The following THADA variants were observed in gnomAD, a reference collection of about 807,000 sequenced individuals.
The protein encoded by THADA is tRNA (32-2'-O)-methyltransferase regulator THADA.
A neutral mutation model predicts 219.8 loss-of-function variants in THADA; 213 were observed. That is an observed-to-expected ratio of 0.97 (90% CI 0.87 to 1.09). The LOEUF (loss-of-function observed/expected upper bound fraction) is 1.09, where lower values mean the gene tolerates loss of function less well. THADA is among the 50% of genes least tolerant of loss of function. The pLI is 0.00. For missense variants in THADA, 2,956 were observed against 2,311.3 expected, an observed-to-expected ratio of 1.28 and a Z score of -5.72; for synonymous variants, 1,018 against 828.9, an observed-to-expected ratio of 1.23 and a Z score of -3.92.
At chr2:43,281,495 G>A (rs1003813588) in intron 35 of THADA, among the ~76,000 whole-genome samples, 7 of 145,762 alleles carry the variant, frequency 4.8e-5, no homozygotes, top group African/African-American at 1.5e-4. Flanking sequence ...AGGCTGGAGT[G>A]CAATGGGGCA....
chr2:43,289,352 C>G (rs1327298518), intron 34 of THADA, among the ~76,000 whole-genome samples: 6 of 152,176 alleles, frequency 3.9e-5, no homozygotes, highest in African/African-American at 9.7e-5. Context: ...ACTAATGATT[C>G]CTTTGATCAT....
intron 29 of THADA, among the ~76,000 whole-genome samples, chr2:43,351,538 G>T (rs1181182390): frequency 6.6e-6 from 1 of 152,054 alleles, no homozygotes; most frequent in African/African-American, 2.4e-5. Flanking sequence ...TTTCTCTTCA[G>T]TGCTCCAACA....
At chr2:43,419,294 G>A (rs147859706) in intron 28 of THADA, among the ~76,000 whole-genome samples, 224 of 152,364 alleles carry the variant, frequency 1.5e-3, no homozygotes, top group African/African-American at 5.1e-3. Flanking sequence ...GGTTGGAAGG[G>A]AGGCAAGATG....
rs141250085 is a variant in THADA, at chr2:43,498,394, AT to A, written c.3744+438del. On this transcript the variant is annotated intron_variant, in intron 25 of 37. Coordinates refer to ENST00000405975, the MANE Select transcript of THADA (RefSeq NM_022065.5). ...TTAAAGTGGTAAATTGAAAAGAAAT[AT>A]AACTGGCTATTTAAAGAAAAATAAC... Among the ~76,000 whole-genome samples, 600 of 152,352 alleles carry A rather than the reference AT, an allele frequency of 3.9e-3. 14 individuals carry two copies. The highest frequency in any genetic ancestry group is 0.039 in the East Asian group (200 of 5,188).
At chr2:43,552,178 C>G in intron 18 of THADA, 26 bp downstream of exon 18, 1 of 1,594,444 alleles carries the variant, frequency 6.3e-7, no homozygotes, top group Non-Finnish European at 8.5e-7. Context: ...ATTTCTGAGA[C>G]AGGAGGCAGC....
intron 10 of THADA, 47 bp downstream of exon 10, chr2:43,576,975 T>A (rs1699920666): frequency 1.3e-6 from 2 of 1,532,492 alleles, no homozygotes; most frequent in East Asian, 4.7e-5. Flanking sequence ...ATCTTCTAAA[T>A]GTCTTACAAG....
intron 28 of THADA, among the ~76,000 whole-genome samples, chr2:43,406,152 A>T (rs1409543090): frequency 6.6e-6 from 1 of 152,208 alleles, no homozygotes; most frequent in Non-Finnish European, 1.5e-5. Flanking sequence ...CAGCAACCTG[A>T]CGTGGCAGAA....
intron 36 of THADA, among the ~76,000 whole-genome samples, chr2:43,268,279 T>G (rs1053382548): frequency 2.6e-5 from 4 of 152,194 alleles, no homozygotes; most frequent in Non-Finnish European, 5.9e-5. Flanking sequence ...CCCATTCTCC[T>G]CCTAACGCTC....
intron 26 of THADA, among the ~76,000 whole-genome samples, chr2:43,433,812 T>G (rs1313419200): frequency 6.6e-6 from 1 of 152,100 alleles, no homozygotes; most frequent in Non-Finnish European, 1.5e-5. Context: ...CTCAGCCTCC[T>G]GAGTAGCTGG....
intron 29 of THADA, among the ~76,000 whole-genome samples, chr2:43,364,552 T>C (rs1204503990): frequency 2.6e-5 from 4 of 152,180 alleles, no homozygotes; most frequent in Non-Finnish European, 5.9e-5. Context: ...TGGAGAAAAA[T>C]GGCTCACAAT....
Position 43,230,883 on chromosome 2 carries a change from G to T in THADA, c.*65C>A. ...AAATTTTTGAATTTATGTTCAACAT[G>T]TTTCCTGCAGATTTAGTGGAGGAAA... On this transcript the variant is annotated 3_prime_UTR_variant, in exon 38 of 38. Transcript: ENST00000405975. 1.3e-6 allele frequency: 2 copies of T among 1,509,692 alleles called. No individual in the cohort carries two copies. The highest frequency in any genetic ancestry group is 8.9e-7 in the Non-Finnish European group (1 of 1,126,488). 93.5% of individuals were successfully genotyped at this position (1,509,692 alleles called of 1,614,324 possible).
intron 22 of THADA, among the ~76,000 whole-genome samples, chr2:43,515,048 ATT>A (rs1412374915): frequency 3.0e-4 from 17 of 56,412 alleles, no homozygotes; most frequent in African/African-American, 4.4e-4. Context: ...AAATATATAT[ATT>A]TTATATATAA....
Position 43,549,325 on chromosome 2 carries a change from A to C in THADA, c.2991T>G (p.Pro997=), listed in dbSNP as rs1372813043. The part of the protein sequence containing the change: ...RLQMILNEIQ[P]RDTNDYFNQA... Reference sequence around the variant, plus strand: ...GGTTAAAATAATCATTAGTATCTCGAGGCTGAATCTCATTCAGAATCATCT... The same window carrying C: ...GGTTAAAATAATCATTAGTATCTCGCGGCTGAATCTCATTCAGAATCATCT... The change falls in exon 20 of 38, where the codon CCT becomes CCG. Residue 997 remains proline (P), a synonymous_variant. Coordinates refer to ENST00000405975, the MANE Select transcript of THADA (RefSeq NM_022065.5). 3.1e-6 allele frequency: 5 copies of C among 1,603,392 alleles called. No individual in the cohort carries two copies. The highest frequency in any genetic ancestry group is 1.3e-5 in the African/African-American group (1 of 74,830).
intron 26 of THADA, among the ~76,000 whole-genome samples, chr2:43,459,727 T>C (rs1683408504): frequency 6.6e-6 from 1 of 152,154 alleles, no homozygotes. Context: ...TGTACATAGG[T>C]CCATACTGGC....
rs28444594 is a variant in THADA, at chr2:43,306,719, G to C, written c.4439-13506C>G. The stretch of plus-strand genomic sequence containing the variant: ...CCAACAAAATCTGGTTGTACTAGGA[G>C]TGCTCCTATTTTAATGTGAAGTCCA... On this transcript the variant is annotated intron_variant, in intron 31 of 37. Coordinates refer to ENST00000405975, the MANE Select transcript of THADA (RefSeq NM_022065.5). Among the ~76,000 whole-genome samples the C allele has an allele frequency of 3.7e-3, 564 of 152,334 alleles. 7 individuals carry two copies. Among genetic ancestry groups the C allele is most frequent in the African/African-American group, 0.013 (539 of 41,570 alleles).
intron 26 of THADA, among the ~76,000 whole-genome samples, chr2:43,460,754 T>C (rs559948327): frequency 6.0e-4 from 91 of 152,258 alleles, no homozygotes; most frequent in African/African-American, 2.0e-3. Context: ...GTAAGAGCCA[T>C]AGACGTGGTA....
At chr2:43,410,689 T>C (rs1676171863) in intron 28 of THADA, among the ~76,000 whole-genome samples, 1 of 152,052 alleles carries the variant, frequency 6.6e-6, no homozygotes, top group African/African-American at 2.4e-5. Context: ...TGCAAATTAA[T>C]CTGTATTGAC....
At chr2:43,294,684 T>C (rs1675153457) in intron 31 of THADA, among the ~76,000 whole-genome samples, 2 of 151,972 alleles carry the variant, frequency 1.3e-5, no homozygotes, top group South Asian at 4.1e-4. Flanking sequence ...GAGGAGGCAA[T>C]ATTAGAGGCA....
chr2:43,592,160 T>C (rs746683725), intron 2 of THADA, 114 bp from the exon 3 acceptor site: 72 of 995,222 alleles, frequency 7.2e-5, no homozygotes, highest in African/African-American at 5.9e-4. Flanking sequence ...AGGTGGAACA[T>C]AGTCTGAAGA....
Sources: allele counts gnomAD v4.1 joint callset (sites outside exome capture counted in the v4.1 genomes callset), GRCh38; gene constraint gnomAD v4.1.1; transcripts MANE v1.5; gene names NCBI Gene and HGNC (gene_info 2026-07-23, HGNC 2026-07-21).